CDIN1: variants seen among roughly 807,000 people sequenced by gnomAD.
CDIN1 encodes CDAN1-interacting nuclease 1.
CDIN1 carries 33 observed loss-of-function variants against 45.3 expected under a neutral mutation model. The observed-to-expected ratio is 0.73, with a 90% CI of 0.55 to 0.97. CDIN1 has a LOEUF of 0.97. Among genes scored for constraint, CDIN1 ranks in the 50% least tolerant of loss-of-function variants. The probability of loss-of-function intolerance (pLI) is 0.00; values close to 1 mark genes in which losing one functional copy is unlikely to be tolerated. For synonymous variants in CDIN1, 118 were observed against 124.4 expected (o/e 0.95, Z 0.34); for missense variants, 303 against 339.4 (o/e 0.89, Z 0.84).
At position 36,808,619 on chromosome 15, in the gene CDIN1, G is replaced by A. The variant is rs531560465; in HGVS notation, c.*166G>A. On this transcript the variant is annotated 3_prime_UTR_variant, in exon 11 of 11. Transcript: ENST00000566621. Reference sequence around the variant, plus strand: ...TTAGACAAACATATCAAGAGTTTCTGTTTTCCTTCATCCCTTGCTGATGTG... The same window carrying A: ...TTAGACAAACATATCAAGAGTTTCTATTTTCCTTCATCCCTTGCTGATGTG... 1 of 941,042 alleles carries A rather than the reference G, an allele frequency of 1.1e-6. No individual in the cohort carries two copies. The highest frequency in any genetic ancestry group is 1.7e-5 in the South Asian group (1 of 59,000). 58.3% of individuals were successfully genotyped at this position (941,042 alleles called of 1,614,324 possible).
intron 3 of CDIN1, among the ~76,000 whole-genome samples, chr15:36,645,690 G>A (rs773800488): frequency 2.0e-5 from 3 of 151,966 alleles, no homozygotes; most frequent in African/African-American, 7.3e-5. Flanking sequence ...TCTTAGATTA[G>A]CAAGTTGAAA....
At chr15:36,654,858 A>G (rs932134473) in intron 4 of CDIN1, among the ~76,000 whole-genome samples, 29 of 152,240 alleles carry the variant, frequency 1.9e-4, no homozygotes, top group Non-Finnish European at 2.8e-4. Flanking sequence ...AAAATATTTA[A>G]TTCCTAAACT....
chr15:36,684,699 C>T, intron 5 of CDIN1, among the ~76,000 whole-genome samples: 1 of 152,044 alleles, frequency 6.6e-6, no homozygotes, highest in Non-Finnish European at 1.5e-5. Flanking sequence ...GCTGTGAATC[C>T]ATCTGGTCCT....
At chr15:36,765,475 G>A (rs1270855606) in intron 10 of CDIN1, among the ~76,000 whole-genome samples, 1 of 152,034 alleles carries the variant, frequency 6.6e-6, no homozygotes, top group African/African-American at 2.4e-5. Context: ...TGAGATGTGG[G>A]GGATAAAAAT....
intron 10 of CDIN1, among the ~76,000 whole-genome samples, chr15:36,740,829 C>T (rs1366570841): frequency 6.6e-6 from 1 of 150,792 alleles, no homozygotes; most frequent in Non-Finnish European, 1.5e-5. Context: ...GCGGAGGTTA[C>T]GGTGAGCTGA....
At chr15:36,742,346 A>G (rs1018817415) in intron 10 of CDIN1, among the ~76,000 whole-genome samples, 2 of 152,204 alleles carry the variant, frequency 1.3e-5, no homozygotes, top group Non-Finnish European at 2.9e-5. Flanking sequence ...CTAATGCATA[A>G]AAGTTCTTAG....
intron 10 of CDIN1, among the ~76,000 whole-genome samples, chr15:36,800,185 A>G (rs2054963961): frequency 6.6e-6 from 1 of 152,176 alleles, no homozygotes. Context: ...AAAATTATAG[A>G]AAGTTGTTTC....
chr15:36,803,664 C>A (rs773166020), intron 10 of CDIN1, among the ~76,000 whole-genome samples: 10 of 152,184 alleles, frequency 6.6e-5, no homozygotes, highest in Non-Finnish European at 1.5e-4. Context: ...TACTTTCAAG[C>A]ATTGTCCTAA....
intron 5 of CDIN1, among the ~76,000 whole-genome samples, chr15:36,676,187 A>T (rs944123297): frequency 1.3e-5 from 2 of 152,140 alleles, no homozygotes; most frequent in Admixed American, 1.3e-4. Context: ...ATCGTTTAAC[A>T]TGCCTTGAAA....
chr15:36,703,420 G>GATAT (rs1295441512), intron 8 of CDIN1, among the ~76,000 whole-genome samples: 1 of 135,328 alleles, frequency 7.4e-6, no homozygotes, highest in South Asian at 2.3e-4. Flanking sequence ...ATATATATCA[G>GATAT]ATATATATAT....
At chr15:36,783,573 T>C (rs952728116) in intron 10 of CDIN1, among the ~76,000 whole-genome samples, 3 of 152,128 alleles carry the variant, frequency 2.0e-5, no homozygotes, top group Non-Finnish European at 4.4e-5. Context: ...AATTGTTTCA[T>C]GATGAAACCA....
chr15:36,743,422 T>C, intron 10 of CDIN1, among the ~76,000 whole-genome samples: 1 of 152,152 alleles, frequency 6.6e-6, no homozygotes, highest in African/African-American at 2.4e-5. Flanking sequence ...ACATCTCTTT[T>C]CAGTATCAAG....
rs75207294 is a variant in CDIN1 at position 36,670,863 on chromosome 15, G to T, written c.346+12958G>T. 6.1e-4 allele frequency among the ~76,000 whole-genome samples: 93 copies of T among 151,970 alleles called. 1 individual carries two copies. In the East Asian group the frequency reaches 0.011, roughly 18 times the overall value. On this transcript the variant is annotated intron_variant, in intron 5 of 10. Transcript: ENST00000566621. ...CTTTAAATGATATTTTGTATATTTA[G>T]TTGCTTCAGTTTAGACTTTTAGCAT...
At position 36,645,290 on chromosome 15, in the gene CDIN1, A is replaced by G; in HGVS notation, c.212+3A>G. The stretch of plus-strand genomic sequence containing the variant: ...GCAATTGAAAGTTATTACCAGAGGT[A>G]TGACCTTCCTGCCCCACTAGAGGGT... On this transcript the variant is annotated splice_donor_region_variant and intron_variant, in intron 3 of 10. Transcript: ENST00000566621. 1.3e-6 allele frequency: 2 copies of G among 1,549,246 alleles called. No homozygotes were observed. Among genetic ancestry groups the G allele is most frequent in the Non-Finnish European group, 1.7e-6 (2 of 1,144,788 alleles).
chr15:36,675,018 C>G (rs1426938644), intron 5 of CDIN1, among the ~76,000 whole-genome samples: 1 of 151,954 alleles, frequency 6.6e-6, no homozygotes, highest in Admixed American at 6.6e-5. Context: ...TCACATCAAC[C>G]CTTTTTCCCC....
chr15:36,634,412 G>A (rs2039810722), intron 1 of CDIN1, among the ~76,000 whole-genome samples: 1 of 152,060 alleles, frequency 6.6e-6, no homozygotes, highest in Non-Finnish European at 1.5e-5. Flanking sequence ...GAGAGAGCAA[G>A]ACTCCGTCTC....
At chr15:36,746,752 C>CTTTTTTTTTTT (rs760613983) in intron 10 of CDIN1, among the ~76,000 whole-genome samples, 1 of 74,346 alleles carries the variant, frequency 1.3e-5, no homozygotes. Context: ...GGAAACGTGT[C>CTTTTTTTTTTT]TTTTTTTTTT....
intron 5 of CDIN1, among the ~76,000 whole-genome samples, chr15:36,682,556 T>C (rs2041887650): frequency 6.6e-6 from 1 of 151,180 alleles, no homozygotes; most frequent in African/African-American, 2.4e-5. Flanking sequence ...GGTGGATTGC[T>C]TGAGCCCAAG....
intron 10 of CDIN1, chr15:36,798,651 A>T (rs2054902078): frequency 6.6e-6 from 1 of 152,122 alleles, no homozygotes; most frequent in Non-Finnish European, 1.5e-5. Flanking sequence ...AAAACCCATA[A>T]ATCTCTTTGT....
Sources: allele counts gnomAD v4.1 joint callset (sites outside exome capture counted in the v4.1 genomes callset), GRCh38; gene constraint gnomAD v4.1.1; transcripts MANE v1.5; gene names NCBI Gene and HGNC (gene_info 2026-07-23, HGNC 2026-07-21).